The following DDAH1 variants were observed in gnomAD, a reference collection of about 807,000 sequenced individuals.
DDAH1 encodes dimethylarginine dimethylaminohydrolase 1, also known as N(G),N(G)-dimethylarginine dimethylaminohydrolase 1.
A neutral mutation model predicts 28.8 loss-of-function variants in DDAH1; 19 were observed. The ratio of observed to expected loss-of-function variants is 0.66; its 90% CI spans 0.46 to 0.97. The LOEUF is 0.97. Ranked by LOEUF, DDAH1 falls within the 50% of genes least tolerant of loss-of-function variation. The pLI, the probability that DDAH1 is intolerant of heterozygous loss-of-function variation, is 0.00. For synonymous variants in DDAH1, 153 were observed against 154.4 expected (o/e 0.99, Z 0.07); for missense variants, 326 against 375.9 (o/e 0.87, Z 1.10).
chr1:85,397,921 C>G (rs1276319835), intron 1 of DDAH1, among the ~76,000 whole-genome samples: 1 of 152,130 alleles, frequency 6.6e-6, no homozygotes, highest in Non-Finnish European at 1.5e-5. Context: ...GAGCCCCTCA[C>G]CGGAAGTTGA....
intron 1 of DDAH1, among the ~76,000 whole-genome samples, chr1:85,571,010 G>T (rs1659439048): frequency 6.6e-6 from 1 of 152,134 alleles, no homozygotes; most frequent in African/African-American, 2.4e-5. Context: ...ATCCTTGTTT[G>T]GTCACATTCT....
At chr1:85,332,858 A>G (rs1030551780) in intron 4 of DDAH1, among the ~76,000 whole-genome samples, 1 of 152,150 alleles carries the variant, frequency 6.6e-6, no homozygotes, top group African/African-American at 2.4e-5. Context: ...CACTGCTGGC[A>G]ATCTTCTGCA....
chr1:85,394,852 G>A (rs1557574587), intron 1 of DDAH1, among the ~76,000 whole-genome samples: 1 of 152,154 alleles, frequency 6.6e-6, no homozygotes, highest in Non-Finnish European at 1.5e-5. Flanking sequence ...TGAAATGTCA[G>A]CCATTTCCAA....
chr1:85,540,154 A>G (rs1410099833), intron 1 of DDAH1, among the ~76,000 whole-genome samples: 2 of 152,180 alleles, frequency 1.3e-5, no homozygotes, highest in African/African-American at 2.4e-5. Flanking sequence ...TGTGAATCTT[A>G]GAAACTAGTA....
intron 1 of DDAH1, among the ~76,000 whole-genome samples, chr1:85,547,941 T>C (rs757740974): frequency 1.3e-5 from 2 of 152,204 alleles, no homozygotes; most frequent in Non-Finnish European, 2.9e-5. Context: ...AAATAGACAG[T>C]CTATTTGTAG....
intron 1 of DDAH1, among the ~76,000 whole-genome samples, chr1:85,511,259 A>G (rs911917207): frequency 3.3e-5 from 5 of 152,226 alleles, no homozygotes; most frequent in Admixed American, 2.0e-4. Flanking sequence ...TACTGGGTAA[A>G]TAATGAAATG....
At chr1:85,402,572 T>C (rs774313874) in intron 1 of DDAH1, among the ~76,000 whole-genome samples, 18 of 152,188 alleles carry the variant, frequency 1.2e-4, no homozygotes, top group Middle Eastern at 3.2e-3. Flanking sequence ...ATTTTTCTGG[T>C]AAATATAGCT....
intron 1 of DDAH1, among the ~76,000 whole-genome samples, chr1:85,569,930 C>A (rs142010217): frequency 1.1e-3 from 175 of 152,312 alleles, no homozygotes; most frequent in African/African-American, 4.1e-3. Context: ...ACCCCATGCT[C>A]ACAGTGACTG....
At chr1:85,460,571 T>TCATGTAC (rs1655082773) in intron 1 of DDAH1, among the ~76,000 whole-genome samples, 1 of 152,102 alleles carries the variant, frequency 6.6e-6, no homozygotes, top group Non-Finnish European at 1.5e-5. Context: ...GCAATCCTAG[T>TCATGTAC]CAACAGGGTA....
At chr1:85,455,712 A>G (rs1413931147) in intron 1 of DDAH1, among the ~76,000 whole-genome samples, 2 of 152,232 alleles carry the variant, frequency 1.3e-5, no homozygotes, top group African/African-American at 4.8e-5. Flanking sequence ...ACACTGAGGA[A>G]AGTGATGTGT....
intron 1 of DDAH1, among the ~76,000 whole-genome samples, chr1:85,550,131 T>A (rs1049176176): frequency 3.9e-5 from 6 of 152,200 alleles, no homozygotes; most frequent in Non-Finnish European, 7.4e-5. Flanking sequence ...ATTTACATAT[T>A]CTATATTTTA....
At chr1:85,489,556 T>C (rs1354110743) in intron 2 of DDAH1, among the ~76,000 whole-genome samples, 2 of 151,856 alleles carry the variant, frequency 1.3e-5, no homozygotes, top group African/African-American at 4.8e-5. Flanking sequence ...TTAACAGAGG[T>C]TGAAGAAAAG....
chr1:85,418,633 T>C (rs978092016), intron 1 of DDAH1, among the ~76,000 whole-genome samples: 2 of 152,236 alleles, frequency 1.3e-5, no homozygotes, highest in African/African-American at 4.8e-5. Flanking sequence ...CAAAAGTTTT[T>C]ATCTTTCAGC....
At chr1:85,564,349 G>C (rs1201246863) in intron 1 of DDAH1, among the ~76,000 whole-genome samples, 1 of 152,132 alleles carries the variant, frequency 6.6e-6, no homozygotes, top group Admixed American at 6.5e-5. Flanking sequence ...AAAAAACAAA[G>C]AGAGTTCCAG....
At chr1:85,385,018 T>C (rs184217856) in intron 1 of DDAH1, among the ~76,000 whole-genome samples, 7 of 152,330 alleles carry the variant, frequency 4.6e-5, no homozygotes, top group Admixed American at 2.0e-4. Flanking sequence ...TGGACTGTAT[T>C]TGGAAGATGA....
At chr1:85,416,599 G>T (rs1215818271) in intron 1 of DDAH1, among the ~76,000 whole-genome samples, 1 of 152,180 alleles carries the variant, frequency 6.6e-6, no homozygotes, top group Admixed American at 6.5e-5. Flanking sequence ...CTAGTTTCTG[G>T]AAAAGAAAGA....
intron 2 of DDAH1, among the ~76,000 whole-genome samples, chr1:85,476,376 T>A (rs1176691190): frequency 6.6e-6 from 1 of 151,996 alleles, no homozygotes; most frequent in East Asian, 1.9e-4. Flanking sequence ...GGGGAAAAGC[T>A]TGTGTCTCTG....
upstream of DDAH1, among the ~76,000 whole-genome samples, chr1:85,469,437 T>C (rs1655539648): frequency 6.6e-6 from 1 of 152,252 alleles, no homozygotes; most frequent in African/African-American, 2.4e-5. Flanking sequence ...AGTTTCATCA[T>C]CATCTATAAA....
chr1:85,568,365 G>C (rs1659362968), intron 1 of DDAH1, among the ~76,000 whole-genome samples: 1 of 152,164 alleles, frequency 6.6e-6, no homozygotes, highest in Admixed American at 6.5e-5. Flanking sequence ...ATCCCAAAAT[G>C]CCACTAAATG....
Sources: allele counts gnomAD v4.1 joint callset (sites outside exome capture counted in the v4.1 genomes callset), GRCh38; gene constraint gnomAD v4.1.1; transcripts MANE v1.5; gene names NCBI Gene and HGNC (gene_info 2026-07-23, HGNC 2026-07-21).